ITGAL: variants seen among roughly 807,000 people sequenced by gnomAD.
ITGAL encodes the protein integrin alpha-L.
A neutral mutation model predicts 138.4 loss-of-function variants in ITGAL; 68 were observed. The observed-to-expected ratio is 0.49, with a 90% CI of 0.40 to 0.60. The LOEUF (loss-of-function observed/expected upper bound fraction) is 0.60, where lower values mean the gene tolerates loss of function less well. Among genes scored for constraint, ITGAL ranks in the 20% least tolerant of loss-of-function variants. The pLI is 0.00. For synonymous variants in ITGAL, 561 were observed against 584.3 expected (o/e 0.96, Z 0.57); for missense variants, 1,256 against 1,478.6 (o/e 0.85, Z 2.47).
At position 30,474,278 on chromosome 16, in the gene ITGAL, C is replaced by A. The variant is rs758411593; in HGVS notation, c.144C>A (p.Arg48=). The A allele has an allele frequency of 3.7e-6, 6 of 1,607,198 alleles. No homozygotes were observed. In the Admixed American group the frequency reaches 1.0e-4, roughly 27 times the overall value. ...GCGCCGGGAGGCACTTTGGATACCG[C>A]GTCCTGCAGGTCGGAAACGGGTGAG... ...PPRAGRHFGY[R]VLQVGNGVIV... Residue 48 remains arginine, a synonymous_variant, in exon 2 of 31, where the codon CGC becomes CGA. Coordinates refer to ENST00000356798, the MANE Select transcript of ITGAL (RefSeq NM_002209.3).
chr16:30,481,579 T>G lies in ITGAL; in HGVS notation c.717T>G (p.Tyr239Ter), dbSNP rs376900980. 5.6e-6 allele frequency: 9 copies of G among 1,613,540 alleles called. No individual in the cohort carries two copies. The highest frequency in any genetic ancestry group is 7.6e-6 in the Non-Finnish European group (9 of 1,179,914). Residue 239 changes from tyrosine to a stop codon, truncating the protein, a stop_gained, in exon 7 of 31, where the codon TAT becomes TAG. Transcript: ENST00000356798. LOFTEE classifies it high-confidence loss of function. ...CCAATACCTTTGGTGCCATCAATTA[T>G]GTCGCGTGAGTTCCCTTTTGCAGGA... ...LLTNTFGAIN[Y>*]VATEVFREEL... is the part of the protein sequence containing the mutation.
At position 30,494,351 on chromosome 16, in the gene ITGAL, C is replaced by G. The variant is rs1183551120; in HGVS notation, c.1353C>G (p.Ile451Met). Reference protein sequence around the residue: ...GGGHWSQVQTIHGTQIGSYFG... With the variant: ...GGGHWSQVQTMHGTQIGSYFG... Reference sequence around the variant, plus strand: ...GACACTGGAGCCAGGTCCAGACAATCCATGGGACCCAGGTGCGCCCAGTCC... The same window carrying G: ...GACACTGGAGCCAGGTCCAGACAATGCATGGGACCCAGGTGCGCCCAGTCC... Residue 451 changes from isoleucine to methionine, a missense_variant, in exon 12 of 31, where the codon ATC becomes ATG. By Grantham distance (10) the Ile-to-Met change is conservative. Around this residue, in one of 3 missense-constraint regions of ITGAL, gnomAD observed 867 missense variants for 972.5 expected, o/e 0.89. Coordinates refer to ENST00000356798, the MANE Select transcript of ITGAL (RefSeq NM_002209.3). This position sits in a 1 kb window ranked among gnomAD's most constrained non-coding sequence, Gnocchi z 4.2. 1.2e-6 allele frequency: 2 copies of G among 1,607,864 alleles called. No individual in the cohort carries two copies. Among genetic ancestry groups the G allele is most frequent in the Admixed American group, 3.4e-5 (2 of 59,598 alleles).
At chr16:30,517,583 G>C in intron 26 of ITGAL, 66 bp from the exon 27 acceptor site, 2 of 1,373,930 alleles carry the variant, frequency 1.5e-6, no homozygotes, top group Non-Finnish European at 2.1e-6. Flanking sequence ...GCAGGGGAAA[G>C]CTGGGATGCC....
intron 18 of ITGAL, 61 bp from the exon 19 acceptor site, chr16:30,505,183 T>G: frequency 4.3e-5 from 62 of 1,458,766 alleles, no homozygotes; most frequent in Non-Finnish European, 5.4e-5. Flanking sequence ...CTCTCCTTCA[T>G]GAGGTCTGCT....
At chr16:30,505,108 G>A (rs1337264542) in intron 18 of ITGAL, 136 bp from the exon 19 acceptor site, 6 of 706,970 alleles carry the variant, frequency 8.5e-6, no homozygotes, top group Middle Eastern at 4.3e-4. Context: ...CCCTGGAAAG[G>A]CAGCTGGCTC....
Position 30,496,449 on chromosome 16 carries a change from C to T in ITGAL, c.1715C>T (p.Thr572Ile). The T allele has an allele frequency of 6.2e-7, 1 of 1,613,866 alleles. No individual in the cohort carries two copies. Among genetic ancestry groups the T allele is most frequent in the Non-Finnish European group, 8.5e-7 (1 of 1,179,956 alleles). The change falls in exon 15 of 31, where the codon ACC becomes ATC. Residue 572 changes from threonine (T) to isoleucine (I), a missense_variant. Around this residue, in one of 3 missense-constraint regions of ITGAL, gnomAD observed 867 missense variants for 972.5 expected, o/e 0.89. Coordinates refer to ENST00000356798, the MANE Select transcript of ITGAL (RefSeq NM_002209.3). Reference sequence around the variant, plus strand: ...TCTTGCTCTCAGCGGATAGAAGGGACCCAAGTGCTCTCAGGAATTCAGTGG... The same window carrying T: ...TCTTGCTCTCAGCGGATAGAAGGGATCCAAGTGCTCTCAGGAATTCAGTGG... ...SPQPSQRIEGTQVLSGIQWFG... is the reference protein window; with the variant it reads ...SPQPSQRIEGIQVLSGIQWFG...
At chr16:30,512,377 A>C (rs964845650) in intron 24 of ITGAL, among the ~76,000 whole-genome samples, 1 of 152,144 alleles carries the variant, frequency 6.6e-6, no homozygotes, top group Non-Finnish European at 1.5e-5. Flanking sequence ...ACTTGAGGTC[A>C]GTAGTTCAAG....
In ITGAL at chr16:30,519,927, GGCT is replaced by G. The variant is rs374222520; in HGVS notation, c.3315_3317del (p.Leu1106del). On this transcript the variant is annotated inframe_deletion, in exon 30 of 31. Transcript: ENST00000356798. ...CTCTACGTGCTGAGCGGCATCGGGG[GGCT>G]GCTGCTGCTGCTGCTCATTTTCATA... 1.9e-5 allele frequency: 30 copies of G among 1,612,162 alleles called. No homozygotes were observed. The highest frequency in any genetic ancestry group is 2.2e-5 in the South Asian group (2 of 91,022).
At chr16:30,503,801 C>CTAT (rs2050942187) in intron 17 of ITGAL, 1 of 167,974 alleles carries the variant, frequency 6.0e-6, no homozygotes, top group Non-Finnish European at 1.3e-5. Context: ...AGACCCAGCC[C>CTAT]TATTCTCAAG....
chr16:30,517,647 A>T lies in ITGAL; in HGVS notation c.2977-2A>T. ...AACTGAAGACCTGCCGCTTGTTCCT[A>T]GGAGCCTCCCGTGCCCTGCCACTAT... On this transcript the variant is annotated splice_acceptor_variant, in intron 26 of 30. Transcript: ENST00000356798. LOFTEE classifies it high-confidence loss of function. The T allele has an allele frequency of 6.2e-7, 1 of 1,613,650 alleles. No homozygotes were observed. The highest frequency in any genetic ancestry group is 8.5e-7 in the Non-Finnish European group (1 of 1,179,600).
At chr16:30,474,353 A>T in intron 2 of ITGAL, 55 bp downstream of exon 2, 1 of 1,325,492 alleles carries the variant, frequency 7.5e-7, no homozygotes, top group Non-Finnish European at 1.1e-6. Flanking sequence ...GCAGCCCCCG[A>T]GGCGGTGGCC....
In ITGAL at chr16:30,521,928, C is replaced by T. The variant is rs2051260522; in HGVS notation, c.*263C>T. The T allele has an allele frequency of 2.3e-6, 1 of 434,238 alleles. No individual in the cohort carries two copies. Among genetic ancestry groups the T allele is most frequent in the African/African-American group, 2.0e-5 (1 of 50,260 alleles). 26.9% of individuals were successfully genotyped at this position (434,238 alleles called of 1,614,324 possible). On this transcript the variant is annotated 3_prime_UTR_variant, in exon 31 of 31. Transcript: ENST00000356798. ...ACGGTTCACCAGCCTCTCTTGGTTT[C>T]CTTCCTTGGAAGAGAATGTCTGATC...
chr16:30,493,318 CG>C (rs1288516821), intron 11 of ITGAL, among the ~76,000 whole-genome samples: 1 of 144,750 alleles, frequency 6.9e-6, no homozygotes, highest in Non-Finnish European at 1.5e-5. Context: ...CTCGCTCTGT[CG>C]CCCGGGCTGG....
In ITGAL at chr16:30,505,450, T is replaced by G; in HGVS notation, c.2354T>G (p.Phe785Cys). 6.2e-7 allele frequency: 1 copy of G among 1,613,530 alleles called. No individual in the cohort carries two copies. Among genetic ancestry groups the G allele is most frequent in the Non-Finnish European group, 8.5e-7 (1 of 1,179,828 alleles). ...KKCEANLRVS[F>C]SPARSRALRL... ...TGTGAGGCAAACTTGAGAGTGTCCTTCTCTCCTGCAAGGTCAGTAAGGCCT... is the reference window on the plus strand; with the variant it reads ...TGTGAGGCAAACTTGAGAGTGTCCTGCTCTCCTGCAAGGTCAGTAAGGCCT... Residue 785 changes from phenylalanine to cysteine, a missense_variant, in exon 20 of 31, where the codon TTC (phenylalanine) becomes TGC (cysteine). Phe to Cys is a radical substitution (Grantham distance 205, BLOSUM62 -2). This residue lies in a region of ITGAL where 867 missense variants were observed against 972.5 expected (regional missense o/e 0.89). Coordinates refer to ENST00000356798, the MANE Select transcript of ITGAL (RefSeq NM_002209.3).
In ITGAL at chr16:30,522,709, C is replaced by T. The variant is rs2051272036; in HGVS notation, c.*1044C>T. The stretch of plus-strand genomic sequence containing the variant: ...GCGCGGTGGTTCACGCCTGTAATCC[C>T]AGCACTTTGGGAGGCCAAGGAGGGT... On this transcript the variant is annotated 3_prime_UTR_variant, in exon 31 of 31. Transcript: ENST00000356798. The surrounding 1 kb of genome is among the most constrained non-coding windows in gnomAD (Gnocchi z 4.0). 6.6e-6 allele frequency: 1 copy of T among 152,210 alleles called. No homozygotes were observed. Among genetic ancestry groups the T allele is most frequent in the Non-Finnish European group, 1.5e-5 (1 of 68,084 alleles). 9.4% of individuals were successfully genotyped at this position (152,210 alleles called of 1,614,324 possible). A position where few individuals can be genotyped will look rare whatever the true frequency, so the allele number is the denominator to read the frequency against.
chr16:30,488,248 G>T (rs1423203209), intron 9 of ITGAL, among the ~76,000 whole-genome samples: 1 of 151,814 alleles, frequency 6.6e-6, no homozygotes, highest in Admixed American at 6.6e-5. Flanking sequence ...ATCATGATTT[G>T]GTGATGTGTT....
chr16:30,523,142 C>T lies in ITGAL; in HGVS notation c.*1477C>T, dbSNP rs2051278737. ...TAACTTGGAGCCCCAGTGCCAAGCA[C>T]AGTGCCTGCATGTATTTATCCAATA... On this transcript the variant is annotated 3_prime_UTR_variant, in exon 31 of 31. Coordinates refer to ENST00000356798, the MANE Select transcript of ITGAL (RefSeq NM_002209.3). 1 of 152,306 alleles carries T rather than the reference C, an allele frequency of 6.6e-6. No homozygotes were observed. The highest frequency in any genetic ancestry group is 6.5e-5 in the Admixed American group (1 of 15,282). The allele number at this position is 152,306 out of a possible 1,614,324, so 9.4% of individuals were successfully genotyped here. A position where few individuals can be genotyped will look rare whatever the true frequency, so the allele number is the denominator to read the frequency against.
rs768385227 is a variant in ITGAL at position 30,475,572 on chromosome 16, A to G, written c.319A>G (p.Ser107Gly). ...CTTGGCAACAGACCCCACAGATGGA[A>G]GCATTTTGGTAAGAATTTTGTGCAG... ...MTLATDPTDG[S>G]ILACDPGLSR... is the part of the protein sequence containing the mutation. Residue 107 changes from serine to glycine, a missense_variant, in exon 4 of 31, where the codon AGC (serine) becomes GGC (glycine). Ser to Gly is a moderately conservative substitution (Grantham distance 56, BLOSUM62 0). This residue lies in a region of ITGAL where 212 missense variants were observed against 217.4 expected (regional missense o/e 0.98). Coordinates refer to ENST00000356798, the MANE Select transcript of ITGAL (RefSeq NM_002209.3). The G allele has an allele frequency of 6.2e-7, 1 of 1,613,266 alleles. No individual in the cohort carries two copies. The highest frequency in any genetic ancestry group is 1.1e-5 in the South Asian group (1 of 91,074).
chr16:30,518,818 G>C, intron 29 of ITGAL, 99 bp downstream of exon 29: 2 of 873,918 alleles, frequency 2.3e-6, no homozygotes, highest in South Asian at 2.7e-5. Context: ...GGCTCTGTGC[G>C]AGTCAGAACT....
Sources: gnomAD v4.1 joint callset for allele counts (sites outside exome capture counted in the v4.1 genomes callset) on GRCh38, gnomAD v4.1.1 for gene constraint, gnomAD v4.1.1 regional missense constraint, Gnocchi (gnomAD v3.1) non-coding constraint, MANE v1.5 for transcripts, NCBI Gene and HGNC (gene_info 2026-07-23, HGNC 2026-07-21) for gene names.